Variants in PHC1 observed in about 807,000 individuals in gnomAD.
The protein encoded by PHC1 is polyhomeotic-like protein 1.
PHC1 carries 12 observed loss-of-function variants against 104.3 expected under a neutral mutation model. The observed-to-expected ratio is 0.12, with a 90% confidence interval of 0.07 to 0.19. The LOEUF is 0.19. PHC1 is among the 10% of genes least tolerant of loss of function. The pLI is 1.00. For missense variants in PHC1, 671 were observed against 1,200.0 expected (o/e 0.56, Z 6.51); for synonymous variants, 302 against 455.8 (o/e 0.66, Z 4.30).
intron 7 of PHC1, among the ~76,000 whole-genome samples, chr12:8,931,659 C>A (rs887581103): frequency 6.6e-6 from 1 of 152,192 alleles, no homozygotes; most frequent in Non-Finnish European, 1.5e-5. Flanking sequence ...GGGATCACAC[C>A]ACTGCACTCC....
intron 8 of PHC1, chr12:8,933,638 G>A (rs934224110): frequency 1.7e-6 from 1 of 603,152 alleles, no homozygotes; most frequent in Non-Finnish European, 2.8e-6. Flanking sequence ...TGGTCTACGT[G>A]AATACAGGGT....
At position 8,936,048 on chromosome 12, in the gene PHC1, G is replaced by A. The variant is rs776340316; in HGVS notation, c.2369-808G>A. Among the ~76,000 whole-genome samples, 42 of 152,208 alleles carry A rather than the reference G, an allele frequency of 2.8e-4. 1 individual carries two copies. The East Asian group carries it at 7.8e-3, about 28-fold the overall frequency. On this transcript the variant is annotated intron_variant, in intron 11 of 14. Transcript: ENST00000544916. ...CAAAGTGCTGGGATTACAGGCGTGA[G>A]CCACCACGCCTGGCCCTTGAATTAT...
rs1471269362 is a variant in PHC1 at position 8,919,839 on chromosome 12, G to A, written c.198G>A (p.Gln66=). 1 of 1,606,516 alleles carries A rather than the reference G, an allele frequency of 6.2e-7. No homozygotes were observed. The highest frequency in any genetic ancestry group is 2.2e-5 in the East Asian group (1 of 44,844). ...FMLQQQLSNA[Q]LHSLAAVQQA... ...TCCAGCAGCAGCTCAGTAATGCCCAGCTGCATAGCCTGGCTGCCGTCCAGC... is the reference window on the plus strand; with the variant it reads ...TCCAGCAGCAGCTCAGTAATGCCCAACTGCATAGCCTGGCTGCCGTCCAGC... The change falls in exon 3 of 15, where the codon CAG becomes CAA. Residue 66 remains glutamine (Q), a synonymous_variant. Transcript: ENST00000544916. This position sits in a 1 kb window ranked among gnomAD's most constrained non-coding sequence, Gnocchi z 4.9.
rs1416222801 is a variant in PHC1, at chr12:8,922,914, C to A, written c.612+126C>A. The A allele has an allele frequency of 3.8e-6, 3 of 798,680 alleles. No individual in the cohort carries two copies. In the Admixed American group the frequency reaches 9.4e-5, roughly 25 times the overall value. The allele number at this position is 798,680 out of a possible 1,614,324, so 49.5% of individuals were successfully genotyped here. On this transcript the variant is annotated intron_variant, in intron 6 of 14. Coordinates refer to ENST00000544916, the MANE Select transcript of PHC1 (RefSeq NM_004426.3). ...TTCTTACTTTTTGTGTTTTGTTTTT[C>A]CTTCCCTTAATCACCATAGAACTTG... is the stretch of plus-strand genomic sequence containing the variant.
chr12:8,917,544 T>C (rs1247053287), intron 1 of PHC1, 86 bp from the exon 2 acceptor site: 7 of 493,384 alleles, frequency 1.4e-5, no homozygotes, highest in Non-Finnish European at 2.5e-5. Flanking sequence ...TAGATACTTA[T>C]GGATTTCCTG....
chr12:8,930,851 G>A lies in PHC1; in HGVS notation c.1029G>A (p.Gly343=), dbSNP rs772718670. Reference sequence around the variant, plus strand: ...CAGCCAAGAAGGCAGAAGCAGATGGGAGTGGCCAGCAGAATGTGGGCATGA... The same window carrying A: ...CAGCCAAGAAGGCAGAAGCAGATGGAAGTGGCCAGCAGAATGTGGGCATGA... ...SAAAKKAEAD[G]SGQQNVGMNL... The change falls in exon 7 of 15, where the codon GGG becomes GGA. Residue 343 remains glycine, a synonymous_variant. Coordinates refer to ENST00000544916, the MANE Select transcript of PHC1 (RefSeq NM_004426.3). 1.3e-6 allele frequency: 2 copies of A among 1,519,962 alleles called. No individual in the cohort carries two copies. Among genetic ancestry groups the A allele is most frequent in the Admixed American group, 4.3e-5 (2 of 46,264 alleles). 94.2% of individuals were successfully genotyped at this position (1,519,962 alleles called of 1,614,324 possible).
rs754880696 is a variant in PHC1 at position 8,934,276 on chromosome 12, A to G, written c.2051A>G (p.Glu684Gly). 1 of 1,613,112 alleles carries G rather than the reference A, an allele frequency of 6.2e-7. No homozygotes were observed. Among genetic ancestry groups the G allele is most frequent in the Non-Finnish European group, 8.5e-7 (1 of 1,179,548 alleles). ...TGTGTTTGTTTTCCAGAAAAAGCTG[A>G]ATCAGTGGCTAATGTGAATGCTAAT... ...DEKSSLGEKA[E>G]SVANVNANTP... The change falls in exon 10 of 15, where the codon GAA becomes GGA. Residue 684 changes from glutamate to glycine, a missense_variant. By Grantham distance (98) the Glu-to-Gly change is moderately conservative. Around this residue, in one of 9 missense-constraint regions of PHC1, gnomAD observed 95 missense variants for 108.8 expected, o/e 0.87. Transcript: ENST00000544916.
At chr12:8,933,502 A>G in intron 8 of PHC1, 152 bp downstream of exon 8, 4 of 1,028,938 alleles carry the variant, frequency 3.9e-6, no homozygotes, top group Middle Eastern at 2.3e-4. Flanking sequence ...GTGACACATT[A>G]TATAATATCT....
chr12:8,927,894 T>TTTCC (rs1945567584), intron 6 of PHC1, among the ~76,000 whole-genome samples: 2 of 113,946 alleles, frequency 1.8e-5, no homozygotes, highest in African/African-American at 8.2e-5. Context: ...TCTTTCTTTC[T>TTTCC]TTCTTTCTTT....
At chr12:8,933,484 G>A in intron 8 of PHC1, 134 bp downstream of exon 8, 1 of 1,102,176 alleles carries the variant, frequency 9.1e-7, no homozygotes, top group Non-Finnish European at 1.3e-6. Flanking sequence ...TGCTTCTTCT[G>A]TAAGAGAGTG....
Position 8,934,317 on chromosome 12 carries a change from C to G in PHC1, c.2092C>G (p.Leu698Val), listed in dbSNP as rs1592209114. Residue 698 changes from leucine (L) to valine (V), a missense_variant, in exon 10 of 15, where the codon CTA (leucine) becomes GTA (valine). By Grantham distance (32) the Leu-to-Val change is conservative. Transcript: ENST00000544916. Reference sequence around the variant, plus strand: ...GAATGCTAATACTCCAAGCAGTGAACTAGTAGCCTTGACCCCCGCCCCTTC... The same window carrying G: ...GAATGCTAATACTCCAAGCAGTGAAGTAGTAGCCTTGACCCCCGCCCCTTC... ...NVNANTPSSELVALTPAPSVP... is the reference protein window; with the variant it reads ...NVNANTPSSEVVALTPAPSVP... The G allele has an allele frequency of 7.4e-6, 12 of 1,614,134 alleles. No individual in the cohort carries two copies. The highest frequency in any genetic ancestry group is 4.5e-5 in the East Asian group (2 of 44,890).
rs1277335707 is a variant in PHC1, at chr12:8,920,918, A to G, written c.226-67A>G. On this transcript the variant is annotated intron_variant, in intron 3 of 14. Coordinates refer to ENST00000544916, the MANE Select transcript of PHC1 (RefSeq NM_004426.3). The stretch of plus-strand genomic sequence containing the variant: ...CTATGTTTTGTGCTTGTGATTTATT[A>G]CTAGAAGACTGAGAGCTTTTTCCTT... 10 of 1,027,004 alleles carry G rather than the reference A, an allele frequency of 9.7e-6. No homozygotes were observed. The Admixed American group carries it at 1.9e-4, about 20-fold the overall frequency. The allele number at this position is 1,027,004 out of a possible 1,614,324, so 63.6% of individuals were successfully genotyped here. A position where few individuals can be genotyped will look rare whatever the true frequency, so the allele number is the denominator to read the frequency against.
At chr12:8,918,805 G>A (rs144723433) in intron 2 of PHC1, among the ~76,000 whole-genome samples, 4 of 152,214 alleles carry the variant, frequency 2.6e-5, no homozygotes, top group Admixed American at 6.5e-5. Context: ...ACATTCACGC[G>A]TCACTTAATG....
intron 13 of PHC1, 88 bp from the exon 14 acceptor site, chr12:8,937,740 TC>T: frequency 2.1e-6 from 2 of 972,958 alleles, no homozygotes; most frequent in Non-Finnish European, 3.2e-6. Flanking sequence ...GAGTTTTTCT[TC>T]TACGCCCAAC....
chr12:8,936,339 AC>A (rs1308047967), intron 11 of PHC1, among the ~76,000 whole-genome samples: 2 of 152,194 alleles, frequency 1.3e-5, no homozygotes, highest in Admixed American at 6.5e-5. Context: ...CCAAGATAGC[AC>A]CACGGCACTC....
chr12:8,936,885 T>C lies in PHC1; in HGVS notation c.2398T>C (p.Cys800Arg). 6.2e-7 allele frequency: 1 copy of C among 1,612,172 alleles called. No individual in the cohort carries two copies. The highest frequency in any genetic ancestry group is 8.5e-7 in the Non-Finnish European group (1 of 1,178,340). The part of the protein sequence containing the change: ...ELDKKANLLK[C>R]EYCGKYAPAE... Reference sequence around the variant, plus strand: ...AGATAAGAAGGCGAATCTCCTGAAGTGCGAGTACTGTGGGAAGTACGCCCC... The same window carrying C: ...AGATAAGAAGGCGAATCTCCTGAAGCGCGAGTACTGTGGGAAGTACGCCCC... Residue 800 changes from cysteine (C) to arginine (R), a missense_variant, in exon 12 of 15, where the codon TGC becomes CGC. By Grantham distance (180) the Cys-to-Arg change is radical (BLOSUM62 -3). Coordinates refer to ENST00000544916, the MANE Select transcript of PHC1 (RefSeq NM_004426.3).
Position 8,940,405 on chromosome 12 carries a change from G to A in PHC1, c.*946G>A, listed in dbSNP as rs6832. 84,395 of 182,004 alleles carry A rather than the reference G, an allele frequency of 0.46. 20,004 individuals are homozygous for A. Among genetic ancestry groups the A allele is most frequent in the African/African-American group, 0.53 (22,098 of 41,594 alleles). The allele number at this position is 182,004 out of a possible 1,614,324, so 11.3% of individuals were successfully genotyped here. ...AATCATTAAGAGTTTTTGTACAAAAGGTGATGGTTTTTTTTCTTCATTTTA... is the reference window on the plus strand; with the variant it reads ...AATCATTAAGAGTTTTTGTACAAAAAGTGATGGTTTTTTTTCTTCATTTTA... On this transcript the variant is annotated 3_prime_UTR_variant, in exon 15 of 15. Transcript: ENST00000544916.
At chr12:8,921,517 GT>G in intron 4 of PHC1, 83 bp from the exon 5 acceptor site, 1 of 1,213,024 alleles carries the variant, frequency 8.2e-7, no homozygotes, top group Non-Finnish European at 1.2e-6. Context: ...GTTCTTGACT[GT>G]GTGACTCTGA....
chr12:8,916,731 G>A (rs1286316497), intron 1 of PHC1, among the ~76,000 whole-genome samples: 1 of 152,030 alleles, frequency 6.6e-6, no homozygotes, highest in Non-Finnish European at 1.5e-5. Flanking sequence ...GTATTTCTAT[G>A]TTTCATACTC....
Sources: gnomAD v4.1 joint callset for allele counts (sites outside exome capture counted in the v4.1 genomes callset) on GRCh38, gnomAD v4.1.1 for gene constraint, gnomAD v4.1.1 regional missense constraint, Gnocchi (gnomAD v3.1) non-coding constraint, MANE v1.5 for transcripts, NCBI Gene and HGNC (gene_info 2026-07-23, HGNC 2026-07-21) for gene names.